The following TRDN variants were observed in gnomAD, a reference collection of about 807,000 sequenced individuals.
TRDN encodes the protein triadin in skeletal muscle.
A neutral mutation model predicts 149.7 loss-of-function variants in TRDN; 161 were observed. The ratio of observed to expected loss-of-function variants is 1.08; its 90% CI spans 0.95 to 1.23. The LOEUF (loss-of-function observed/expected upper bound fraction) is 1.23. TRDN is among the 50% of genes most tolerant of loss of function. The pLI is 0.00. For missense variants in TRDN, 896 were observed against 823.5 expected (o/e 1.09, Z -1.08); for synonymous variants, 294 against 250.5 (o/e 1.17, Z -1.64).
chr6:123,406,243 T>G (rs1268629004), intron 12 of TRDN, among the ~76,000 whole-genome samples: 1 of 152,178 alleles, frequency 6.6e-6, no homozygotes, highest in Non-Finnish European at 1.5e-5. Context: ...ATCAAGATTG[T>G]ATACCACATT....
intron 31 of TRDN, among the ~76,000 whole-genome samples, chr6:123,268,543 A>G (rs1020915739): frequency 6.6e-6 from 1 of 152,010 alleles, no homozygotes; most frequent in South Asian, 2.1e-4. Flanking sequence ...GTTACCTCTA[A>G]TGACCTCTAT....
chr6:123,614,300 C>CAAAAAAAAAAAAA (rs1199509406), intron 1 of TRDN, among the ~76,000 whole-genome samples: 6 of 99,836 alleles, frequency 6.0e-5, no homozygotes, highest in Non-Finnish European at 7.9e-5. Context: ...AAAAAAAAAA[C>CAAAAAAAAAAAAA]AAAAAAAAAA....
At chr6:123,274,819 G>A in intron 26 of TRDN, 149 bp from the exon 27 acceptor site, 2 of 710,646 alleles carry the variant, frequency 2.8e-6, no homozygotes, top group Non-Finnish European at 4.7e-6. Flanking sequence ...GTTTCAGTGA[G>A]CTGAGATCAT....
At chr6:123,455,516 T>G (rs1776065273) in intron 10 of TRDN, among the ~76,000 whole-genome samples, 1 of 152,038 alleles carries the variant, frequency 6.6e-6, no homozygotes, top group Non-Finnish European at 1.5e-5. Flanking sequence ...CTATATTTTA[T>G]TTTTCCACTC....
At chr6:123,541,332 T>C (rs1780825173) in intron 4 of TRDN, among the ~76,000 whole-genome samples, 1 of 152,178 alleles carries the variant, frequency 6.6e-6, no homozygotes, top group Non-Finnish European at 1.5e-5. Flanking sequence ...TCATCCTGGG[T>C]CACTTTGCGT....
intron 12 of TRDN, among the ~76,000 whole-genome samples, chr6:123,408,819 G>GAA (rs1181149708): frequency 6.6e-6 from 1 of 152,002 alleles, no homozygotes; most frequent in East Asian, 1.9e-4. Flanking sequence ...TCTCTGACAA[G>GAA]AAAAATCATT....
At chr6:123,450,351 C>T (rs1158949926) in intron 10 of TRDN, among the ~76,000 whole-genome samples, 1 of 151,986 alleles carries the variant, frequency 6.6e-6, no homozygotes, top group Non-Finnish European at 1.5e-5. Context: ...TCACCTAAGA[C>T]TTAAGGACAC....
intron 10 of TRDN, among the ~76,000 whole-genome samples, chr6:123,444,628 G>C (rs1583034107): frequency 6.6e-6 from 1 of 150,712 alleles, no homozygotes; most frequent in Non-Finnish European, 1.5e-5. Context: ...TCCAGTTTTT[G>C]CCCATTCAGT....
intron 24 of TRDN, among the ~76,000 whole-genome samples, chr6:123,302,750 A>G (rs553211630): frequency 6.6e-6 from 1 of 152,232 alleles, no homozygotes; most frequent in Non-Finnish European, 1.5e-5. Flanking sequence ...AAATTTTTGA[A>G]CAAGGCATCT....
At chr6:123,417,378 T>C (rs1393652994) in intron 12 of TRDN, among the ~76,000 whole-genome samples, 2 of 152,172 alleles carry the variant, frequency 1.3e-5, no homozygotes, top group African/African-American at 4.8e-5. Flanking sequence ...CTAACTGAGA[T>C]AGGAATGGCT....
intron 12 of TRDN, among the ~76,000 whole-genome samples, chr6:123,394,569 T>G (rs1336800360): frequency 6.6e-6 from 1 of 152,188 alleles, no homozygotes; most frequent in Admixed American, 6.5e-5. Context: ...TAGGTGGATA[T>G]GTAGTAGTTG....
At chr6:123,301,056 A>G (rs974268067) in intron 24 of TRDN, among the ~76,000 whole-genome samples, 16 of 151,960 alleles carry the variant, frequency 1.1e-4, no homozygotes, top group African/African-American at 3.4e-4. Context: ...AACCTACAAA[A>G]ATTTCTACTC....
At chr6:123,467,310 T>C (rs567820209) in intron 9 of TRDN, among the ~76,000 whole-genome samples, 1 of 146,192 alleles carries the variant, frequency 6.8e-6, no homozygotes, top group East Asian at 2.0e-4. Context: ...GGAAGGTATG[T>C]GGTAAATTAA....
At chr6:123,454,176 A>C (rs949665370) in intron 10 of TRDN, among the ~76,000 whole-genome samples, 2 of 152,086 alleles carry the variant, frequency 1.3e-5, no homozygotes, top group African/African-American at 2.4e-5. Context: ...AATACGGTGC[A>C]GTGTATACTT....
At chr6:123,394,615 G>C (rs1010989482) in intron 12 of TRDN, among the ~76,000 whole-genome samples, 1 of 151,996 alleles carries the variant, frequency 6.6e-6, no homozygotes, top group African/African-American at 2.4e-5. Flanking sequence ...TTTAATTATT[G>C]TCAAATGTTG....
intron 20 of TRDN, among the ~76,000 whole-genome samples, chr6:123,359,879 T>G (rs866889090): frequency 6.6e-6 from 1 of 152,174 alleles, no homozygotes. Context: ...GTATTTTTAG[T>G]AGAGACGGGA....
At chr6:123,490,568 T>C (rs1039285978) in intron 9 of TRDN, among the ~76,000 whole-genome samples, 1 of 152,210 alleles carries the variant, frequency 6.6e-6, no homozygotes, top group African/African-American at 2.4e-5. Flanking sequence ...TATTCTCATC[T>C]AGTTAGCCCT....
chr6:123,445,961 C>T (rs1052634096), intron 10 of TRDN, among the ~76,000 whole-genome samples: 4 of 143,452 alleles, frequency 2.8e-5, no homozygotes, highest in Non-Finnish European at 4.5e-5. Flanking sequence ...GCATTATTCA[C>T]GATAGCAAAG....
chr6:123,331,630 G>C (rs1233732885), intron 23 of TRDN, among the ~76,000 whole-genome samples: 2 of 151,952 alleles, frequency 1.3e-5, no homozygotes, highest in African/African-American at 4.8e-5. Flanking sequence ...CAGACCCATG[G>C]AATCAGAATA....
Sources: gnomAD v4.1 joint callset for allele counts (sites outside exome capture counted in the v4.1 genomes callset) on GRCh38, gnomAD v4.1.1 for gene constraint, MANE v1.5 for transcripts, NCBI Gene and HGNC (gene_info 2026-07-23, HGNC 2026-07-21) for gene names.